Variants in CLSTN1 observed in about 807,000 individuals in gnomAD.
CLSTN1 encodes the protein calsyntenin-1.
In CLSTN1, 28 loss-of-function variants were observed where a neutral mutation model predicts 108.3. That is an observed-to-expected ratio of 0.26 (90% CI 0.19 to 0.35). CLSTN1 has a LOEUF of 0.35. CLSTN1 is among the 10% of genes least tolerant of loss of function. The pLI, the probability that CLSTN1 is intolerant of heterozygous loss-of-function variation, is 1.00. For synonymous variants in CLSTN1, 524 were observed against 534.9 expected (o/e 0.98, Z 0.28); for missense variants, 1,157 against 1,302.6 (o/e 0.89, Z 1.72).
chr1:9,777,209 G>A (rs1652995436), intron 1 of CLSTN1, among the ~76,000 whole-genome samples: 1 of 126,524 alleles, frequency 7.9e-6, no homozygotes. Flanking sequence ...GACAGAGCGA[G>A]ACTGTCTCAA....
chr1:9,787,130 C>A (rs531552272), intron 1 of CLSTN1, among the ~76,000 whole-genome samples: 1 of 151,088 alleles, frequency 6.6e-6, no homozygotes, highest in Non-Finnish European at 1.5e-5. Flanking sequence ...ATGGGGCTGT[C>A]CCCAACTAGA....
At chr1:9,806,622 G>A (rs1207067009) in intron 1 of CLSTN1, among the ~76,000 whole-genome samples, 1 of 152,196 alleles carries the variant, frequency 6.6e-6, no homozygotes, top group South Asian at 2.1e-4. Context: ...GCTCACGCCT[G>A]TAATCCCAGC....
intron 2 of CLSTN1, among the ~76,000 whole-genome samples, chr1:9,766,715 T>G (rs529116965): frequency 6.6e-6 from 1 of 152,332 alleles, no homozygotes; most frequent in East Asian, 1.9e-4. Flanking sequence ...CCATGACTAC[T>G]CAGGCTTTCA....
chr1:9,796,999 G>A (rs1335798274), intron 1 of CLSTN1, among the ~76,000 whole-genome samples: 1 of 152,192 alleles, frequency 6.6e-6, no homozygotes, highest in Non-Finnish European at 1.5e-5. Flanking sequence ...CAAGCTTGAA[G>A]ATGAGAAGCA....
intron 11 of CLSTN1, among the ~76,000 whole-genome samples, chr1:9,737,296 C>A (rs762027766): frequency 6.6e-6 from 1 of 152,042 alleles, no homozygotes; most frequent in Non-Finnish European, 1.5e-5. Context: ...CCTGAGATGT[C>A]ATTTGTCCTC....
chr1:9,776,155 G>A, intron 1 of CLSTN1, among the ~76,000 whole-genome samples: 1 of 152,060 alleles, frequency 6.6e-6, no homozygotes, highest in African/African-American at 2.4e-5. Flanking sequence ...TTTTAGTAGA[G>A]ACGGGATTTC....
chr1:9,735,920 G>A lies in CLSTN1; in HGVS notation c.1699C>T (p.Leu567=), dbSNP rs561018493. ...CTGCCACTGTCTTCGAGGACCTGCA[G>A]GTCCAGCCCCTCCTTGCAGGTATAC... ...CLYTCKEGLD[L]QVLEDSGRGV... The change falls in exon 12 of 19, where the codon CTG becomes TTG. Residue 567 remains leucine (L), a synonymous_variant. Coordinates refer to ENST00000377298, the MANE Select transcript of CLSTN1 (RefSeq NM_001009566.3). 15 of 1,614,180 alleles carry A rather than the reference G, an allele frequency of 9.3e-6. 1 individual carries two copies. In the South Asian group the frequency reaches 1.5e-4, roughly 17 times the overall value.
At chr1:9,784,836 T>C (rs564707733) in intron 1 of CLSTN1, among the ~76,000 whole-genome samples, 26 of 152,244 alleles carry the variant, frequency 1.7e-4, no homozygotes, top group African/African-American at 5.1e-4. Flanking sequence ...AAAGATGACA[T>C]GGGTAGAAAA....
chr1:9,770,929 G>T (rs941691166), intron 2 of CLSTN1, among the ~76,000 whole-genome samples: 3 of 152,130 alleles, frequency 2.0e-5, no homozygotes, highest in Non-Finnish European at 4.4e-5. Flanking sequence ...GGAGGCGGAG[G>T]TTGCAGTGAG....
chr1:9,767,175 C>T (rs992665772), intron 2 of CLSTN1, among the ~76,000 whole-genome samples: 3 of 152,206 alleles, frequency 2.0e-5, no homozygotes, highest in African/African-American at 4.8e-5. Context: ...CCTGCTGTCA[C>T]GCAGCTGGCA....
At chr1:9,803,110 A>C (rs1039417773) in intron 1 of CLSTN1, among the ~76,000 whole-genome samples, 1 of 152,210 alleles carries the variant, frequency 6.6e-6, no homozygotes, top group Non-Finnish European at 1.5e-5. Context: ...GGCATAAGCC[A>C]CCACGCCCAG....
chr1:9,813,099 A>G (rs1260683694), intron 1 of CLSTN1, among the ~76,000 whole-genome samples: 1 of 152,178 alleles, frequency 6.6e-6, no homozygotes, highest in Non-Finnish European at 1.5e-5. Flanking sequence ...CAGGAAGTGG[A>G]GGTTGCAGTG....
intron 1 of CLSTN1, among the ~76,000 whole-genome samples, chr1:9,820,569 A>G (rs569634035): frequency 6.6e-6 from 1 of 152,206 alleles, no homozygotes; most frequent in South Asian, 2.1e-4. Context: ...ACACTATGTA[A>G]TTTTTTTCAG....
chr1:9,750,405 G>A (rs750253015), intron 5 of CLSTN1, among the ~76,000 whole-genome samples: 2 of 152,012 alleles, frequency 1.3e-5, no homozygotes, highest in Non-Finnish European at 2.9e-5. Flanking sequence ...ATTCTAGACC[G>A]TGCATTGATT....
chr1:9,804,914 G>C (rs1232030660), intron 1 of CLSTN1, among the ~76,000 whole-genome samples: 1 of 152,044 alleles, frequency 6.6e-6, no homozygotes. Flanking sequence ...ACGAGGTCAG[G>C]AGTTCCAGAA....
intron 7 of CLSTN1, 60 bp downstream of exon 7, chr1:9,749,401 T>C: frequency 7.0e-7 from 1 of 1,433,164 alleles, no homozygotes. Context: ...TTTCCAGTTG[T>C]AAAGGTCCCT....
intron 10 of CLSTN1, 75 bp downstream of exon 10, chr1:9,741,019 C>T (rs1032834965): frequency 2.5e-5 from 38 of 1,504,940 alleles, no homozygotes; most frequent in Admixed American, 5.2e-5. Flanking sequence ...ATACCGATCA[C>T]AGCCTGCTGC....
At chr1:9,733,350 C>G in intron 16 of CLSTN1, 51 bp downstream of exon 16, 2 of 1,606,752 alleles carry the variant, frequency 1.2e-6, no homozygotes, top group Non-Finnish European at 1.7e-6. Context: ...CAAATCAGCG[C>G]CCTCACTCAC....
chr1:9,813,268 C>T (rs1364653085), intron 1 of CLSTN1, among the ~76,000 whole-genome samples: 3 of 151,934 alleles, frequency 2.0e-5, no homozygotes, highest in East Asian at 1.9e-4. Context: ...GAGGCTGAGG[C>T]GGGTGAACTG....
Sources: allele counts gnomAD v4.1 joint callset (sites outside exome capture counted in the v4.1 genomes callset), GRCh38; gene constraint gnomAD v4.1.1; transcripts MANE v1.5; gene names NCBI Gene and HGNC (gene_info 2026-07-23, HGNC 2026-07-21).